Variants in PDZRN4 observed in about 807,000 individuals in gnomAD.
PDZRN4 encodes PDZ domain-containing RING finger protein 4.
A neutral mutation model predicts 99.0 loss-of-function variants in PDZRN4; 70 were observed. That is an observed-to-expected ratio of 0.71 (90% CI 0.58 to 0.86). The LOEUF (loss-of-function observed/expected upper bound fraction) is 0.86, where lower values mean the gene tolerates loss of function less well. PDZRN4 is among the 40% of genes least tolerant of loss of function. The pLI is 0.00. For missense variants in PDZRN4, 1,474 were observed against 1,331.2 expected (o/e 1.11, Z -1.67); for synonymous variants, 551 against 501.6 (o/e 1.10, Z -1.32).
At position 41,311,916 on chromosome 12, in the gene PDZRN4, A is replaced by G. The variant is rs567288009; in HGVS notation, c.843+117728A>G. 7.9e-5 allele frequency among the ~76,000 whole-genome samples: 12 copies of G among 152,318 alleles called. No individual in the cohort carries two copies. The East Asian group carries it at 2.1e-3, about 27-fold the overall frequency. On this transcript the variant is annotated intron_variant, in intron 3 of 9. Transcript: ENST00000402685. ...TTTCTTTTAAACTTAGTACATATAA[A>G]AATATCTGACTTGAAAAAAACTTTT... is the stretch of plus-strand genomic sequence containing the variant.
intron 3 of PDZRN4, among the ~76,000 whole-genome samples, chr12:41,405,638 A>C (rs763443572): frequency 2.0e-5 from 3 of 152,228 alleles, no homozygotes; most frequent in Non-Finnish European, 4.4e-5. Context: ...CCAAAAAGAC[A>C]CATGCGCTCA....
intron 3 of PDZRN4, among the ~76,000 whole-genome samples, chr12:41,336,715 A>G (rs1460319492): frequency 1.3e-5 from 2 of 151,938 alleles, no homozygotes; most frequent in Non-Finnish European, 2.9e-5. Context: ...TTTAAAGATA[A>G]TTTGGTGGGT....
At chr12:41,565,886 G>T (rs1448321586) in intron 8 of PDZRN4, among the ~76,000 whole-genome samples, 1 of 152,076 alleles carries the variant, frequency 6.6e-6, no homozygotes, top group Admixed American at 6.5e-5. Flanking sequence ...GGCCCCCTTT[G>T]GTGCAGATAG....
intron 3 of PDZRN4, among the ~76,000 whole-genome samples, chr12:41,245,845 T>A (rs570058112): frequency 1.3e-5 from 2 of 152,184 alleles, no homozygotes; most frequent in Non-Finnish European, 2.9e-5. Context: ...CCCACCCTTA[T>A]GTCACATCTG....
rs1210077251 is a variant in PDZRN4, at chr12:41,441,084, T to C, written c.844-65372T>C. ...TGTAACTTTTTGATTGATTACGTGA[T>C]GGTGATTATTGATGGGATGTTCGTT... On this transcript the variant is annotated intron_variant, in intron 3 of 9. Coordinates refer to ENST00000402685, the MANE Select transcript of PDZRN4 (RefSeq NM_001164595.2). Among the ~76,000 whole-genome samples the C allele has an allele frequency of 4.6e-5, 7 of 152,264 alleles. No individual in the cohort carries two copies. The South Asian group carries it at 8.3e-4, about 18-fold the overall frequency.
chr12:41,217,383 A>G (rs1321355481), intron 3 of PDZRN4, among the ~76,000 whole-genome samples: 1 of 151,962 alleles, frequency 6.6e-6, no homozygotes, highest in East Asian at 1.9e-4. Flanking sequence ...TTGAACAATG[A>G]TTTTCCTGTT....
intron 3 of PDZRN4, among the ~76,000 whole-genome samples, chr12:41,287,019 C>A (rs532728955): frequency 6.6e-6 from 1 of 152,074 alleles, no homozygotes; most frequent in East Asian, 1.9e-4. Context: ...GCTTTTGTAG[C>A]CTTCTCATTC....
chr12:41,549,400 C>A (rs1244864746), intron 5 of PDZRN4, among the ~76,000 whole-genome samples: 1 of 152,142 alleles, frequency 6.6e-6, no homozygotes. Context: ...CTCCTACAAA[C>A]AAAATTGTCT....
chr12:41,511,057 A>T (rs1938296325), intron 5 of PDZRN4, among the ~76,000 whole-genome samples: 1 of 152,116 alleles, frequency 6.6e-6, no homozygotes, highest in African/African-American at 2.4e-5. Context: ...ATGTAAAATA[A>T]ATTATAAAAT....
chr12:41,306,746 C>T (rs1251314680), intron 3 of PDZRN4, among the ~76,000 whole-genome samples: 1 of 152,206 alleles, frequency 6.6e-6, no homozygotes, highest in African/African-American at 2.4e-5. Context: ...AACCAAGCCA[C>T]TCCTTCAACA....
chr12:41,362,209 A>G (rs1527088), intron 3 of PDZRN4, among the ~76,000 whole-genome samples: 127,311 of 151,932 alleles, frequency 0.84, 54,614 homozygotes, highest in Middle Eastern at 0.95. Flanking sequence ...TACTGCCACA[A>G]TCATCAAGTA....
chr12:41,270,842 C>T (rs1951310375), intron 3 of PDZRN4, among the ~76,000 whole-genome samples: 1 of 152,004 alleles, frequency 6.6e-6, no homozygotes, highest in Admixed American at 6.6e-5. Context: ...GTGTTAAAAA[C>T]TCAGTATATG....
At chr12:41,373,751 A>G (rs1443407815) in intron 3 of PDZRN4, among the ~76,000 whole-genome samples, 2 of 152,202 alleles carry the variant, frequency 1.3e-5, no homozygotes, top group African/African-American at 4.8e-5. Context: ...AAGAGACTAA[A>G]GTAAAGACTG....
intron 3 of PDZRN4, among the ~76,000 whole-genome samples, chr12:41,497,429 G>A (rs993250401): frequency 6.6e-6 from 1 of 151,886 alleles, no homozygotes; most frequent in South Asian, 2.1e-4. Flanking sequence ...TAAATACTTG[G>A]GTCTGATATG....
intron 3 of PDZRN4, among the ~76,000 whole-genome samples, chr12:41,498,617 A>G (rs996458074): frequency 6.6e-6 from 1 of 152,120 alleles, no homozygotes; most frequent in East Asian, 1.9e-4. Flanking sequence ...TTTATAAACT[A>G]ATCACCTCTG....
At chr12:41,204,496 T>C (rs1950835455) in intron 3 of PDZRN4, among the ~76,000 whole-genome samples, 1 of 151,976 alleles carries the variant, frequency 6.6e-6, no homozygotes, top group Admixed American at 6.6e-5. Flanking sequence ...CTCACACTGC[T>C]ATAAAGAACT....
At chr12:41,275,280 TC>T (rs1951343388) in intron 3 of PDZRN4, among the ~76,000 whole-genome samples, 1 of 152,110 alleles carries the variant, frequency 6.6e-6, no homozygotes, top group Non-Finnish European at 1.5e-5. Context: ...TTAGCATTCT[TC>T]CCCATCATAA....
chr12:41,302,424 T>C (rs1951542290), intron 3 of PDZRN4, among the ~76,000 whole-genome samples: 1 of 152,148 alleles, frequency 6.6e-6, no homozygotes, highest in Admixed American at 6.6e-5. Context: ...CACCCCAGTT[T>C]TTAAAATACA....
At chr12:41,526,273 C>G (rs979615627) in intron 5 of PDZRN4, among the ~76,000 whole-genome samples, 1 of 152,178 alleles carries the variant, frequency 6.6e-6, no homozygotes, top group African/African-American at 2.4e-5. Context: ...TCTGAGCTGG[C>G]AGGGAGGATG....
Sources: allele counts gnomAD v4.1 joint callset (sites outside exome capture counted in the v4.1 genomes callset), GRCh38; gene constraint gnomAD v4.1.1; transcripts MANE v1.5; gene names NCBI Gene and HGNC (gene_info 2026-07-23, HGNC 2026-07-21).